The following MAN1A1 variants were observed in gnomAD, a reference collection of about 807,000 sequenced individuals.
MAN1A1 encodes the protein mannosidase alpha class 1A member 1, also known as mannosyl-oligosaccharide 1,2-alpha-mannosidase IA.
Under a neutral mutation model 70.8 loss-of-function variants are expected in MAN1A1, and 29 were observed. The ratio of observed to expected loss-of-function variants is 0.41; its 90% confidence interval spans 0.31 to 0.56. MAN1A1 has a LOEUF of 0.56. Among genes scored for constraint, MAN1A1 ranks in the 20% least tolerant of loss-of-function variants. The pLI, the probability that MAN1A1 is intolerant of heterozygous loss-of-function variation, is 0.29. For missense variants in MAN1A1, 747 were observed against 841.3 expected (o/e 0.89, Z 1.39); for synonymous variants, 349 against 330.1 (o/e 1.06, Z -0.62).
Position 119,307,008 on chromosome 6 carries a change from A to T in MAN1A1, c.604-16T>A. On this transcript the variant is annotated splice_polypyrimidine_tract_variant and intron_variant, in intron 2 of 12. Coordinates refer to ENST00000368468, the MANE Select transcript of MAN1A1 (RefSeq NM_005907.4). ...GTTTCATCATCTGAAAAAAAAAATA[A>T]AAACAGGATTATAATTTGAATGGAG... 1 of 1,495,618 alleles carries T rather than the reference A, an allele frequency of 6.7e-7. No individual in the cohort carries two copies. Among genetic ancestry groups the T allele is most frequent in the Non-Finnish European group, 9.3e-7 (1 of 1,075,204 alleles). The allele number at this position is 1,495,618 out of a possible 1,614,324, so 92.6% of individuals were successfully genotyped here. A position where few individuals can be genotyped will look rare whatever the true frequency, so the allele number is the denominator to read the frequency against.
At position 119,177,695 on chromosome 6, in the gene MAN1A1, T is replaced by A. The variant is rs1773042633; in HGVS notation, c.*2124A>T. On this transcript the variant is annotated 3_prime_UTR_variant, in exon 13 of 13. Coordinates refer to ENST00000368468, the MANE Select transcript of MAN1A1 (RefSeq NM_005907.4). ...TTTTGGGACTTTTGTTAAAAAAAAA[T>A]CCAAGTTCTAGAATTGCAAAAACTT... The A allele has an allele frequency of 6.6e-6, 1 of 151,982 alleles. No individual in the cohort carries two copies. The highest frequency in any genetic ancestry group is 2.4e-5 in the African/African-American group (1 of 41,422). The allele number at this position is 151,982 out of a possible 1,614,324, so 9.4% of individuals were successfully genotyped here. A position where few individuals can be genotyped will look rare whatever the true frequency, so the allele number is the denominator to read the frequency against.
intron 6 of MAN1A1, among the ~76,000 whole-genome samples, chr6:119,218,249 T>C (rs1198304816): frequency 6.6e-6 from 1 of 152,158 alleles, no homozygotes; most frequent in African/African-American, 2.4e-5. Context: ...TTTTTCCCCA[T>C]ATGTGTTCTG....
chr6:119,248,197 T>C (rs1016287790), intron 6 of MAN1A1, 63 bp downstream of exon 6: 4 of 1,103,176 alleles, frequency 3.6e-6, no homozygotes, highest in Non-Finnish European at 5.5e-6. Context: ...TAATGTATAC[T>C]TATTAGGCAA....
At chr6:119,283,698 T>C (rs1053983268) in intron 5 of MAN1A1, among the ~76,000 whole-genome samples, 1 of 152,058 alleles carries the variant, frequency 6.6e-6, no homozygotes, top group Non-Finnish European at 1.5e-5. Flanking sequence ...ATGGGCTTGG[T>C]GCGTTTTTTG....
Position 119,204,165 on chromosome 6 carries a change from G to T in MAN1A1, c.1116+594C>A, listed in dbSNP as rs555205623. Among the ~76,000 whole-genome samples the T allele has an allele frequency of 3.9e-5, 6 of 152,318 alleles. No homozygotes were observed. The East Asian group carries it at 1.2e-3, about 29-fold the overall frequency. On this transcript the variant is annotated intron_variant, in intron 7 of 12. Transcript: ENST00000368468. ...AAGATGAAGGGGAGAATGGTAAGTG[G>T]CTTTGGCACTGTTGTGCTCACTGGT...
chr6:119,287,999 G>A (rs1328108798), intron 5 of MAN1A1, among the ~76,000 whole-genome samples: 2 of 151,960 alleles, frequency 1.3e-5, no homozygotes, highest in African/African-American at 2.4e-5. Context: ...ACTGAGCTAC[G>A]AGGTTTCAAA....
intron 2 of MAN1A1, among the ~76,000 whole-genome samples, chr6:119,338,455 T>G (rs1426279810): frequency 1.3e-5 from 2 of 152,196 alleles, no homozygotes; most frequent in Non-Finnish European, 2.9e-5. Flanking sequence ...ATACAAAAGA[T>G]TAGCCTGCCT....
At chr6:119,190,286 T>C (rs1773408247) in intron 9 of MAN1A1, among the ~76,000 whole-genome samples, 1 of 152,216 alleles carries the variant, frequency 6.6e-6, no homozygotes, top group Non-Finnish European at 1.5e-5. Context: ...AGCATATTTG[T>C]GCATGAGATC....
chr6:119,208,873 C>G (rs1007969009), intron 6 of MAN1A1, among the ~76,000 whole-genome samples: 6 of 151,910 alleles, frequency 3.9e-5, no homozygotes, highest in Admixed American at 1.3e-4. Flanking sequence ...GGCAGCCAGC[C>G]CACTTGGGTT....
intron 6 of MAN1A1, among the ~76,000 whole-genome samples, chr6:119,242,124 C>A (rs1326766218): frequency 7.1e-6 from 1 of 141,804 alleles, no homozygotes; most frequent in Non-Finnish European, 1.6e-5. Context: ...TTATAACAGA[C>A]AGACAGACAG....
chr6:119,299,566 A>AT (rs1253064051), intron 4 of MAN1A1, among the ~76,000 whole-genome samples: 2 of 151,658 alleles, frequency 1.3e-5, no homozygotes, highest in Non-Finnish European at 2.9e-5. Flanking sequence ...CTGCATACTA[A>AT]TTGAGTAAAA....
intron 8 of MAN1A1, among the ~76,000 whole-genome samples, chr6:119,199,943 A>G (rs1480311657): frequency 6.6e-6 from 1 of 151,966 alleles, no homozygotes; most frequent in African/African-American, 2.4e-5. Flanking sequence ...AAAGAAAAAA[A>G]AAAGAAAAAA....
chr6:119,195,460 C>A (rs190532722), intron 8 of MAN1A1, among the ~76,000 whole-genome samples: 5 of 152,322 alleles, frequency 3.3e-5, no homozygotes, highest in African/African-American at 1.2e-4. Context: ...TACTTCGTAT[C>A]TGGGACCAAA....
chr6:119,231,327 G>A (rs1310177402), intron 6 of MAN1A1, among the ~76,000 whole-genome samples: 1 of 152,034 alleles, frequency 6.6e-6, no homozygotes, highest in East Asian at 1.9e-4. Flanking sequence ...GAGATCTGAT[G>A]GTTTTATAAG....
chr6:119,194,465 A>G (rs944970552), intron 8 of MAN1A1, among the ~76,000 whole-genome samples: 1 of 152,154 alleles, frequency 6.6e-6, no homozygotes, highest in African/African-American at 2.4e-5. Flanking sequence ...CTGGGACTAC[A>G]GGCACGCATC....
intron 6 of MAN1A1, among the ~76,000 whole-genome samples, chr6:119,222,966 T>C (rs1208666716): frequency 1.3e-5 from 2 of 152,162 alleles, no homozygotes; most frequent in Non-Finnish European, 2.9e-5. Context: ...CACAACTCTG[T>C]GAATATACTC....
At chr6:119,211,024 A>G in intron 6 of MAN1A1, 3 of 394,188 alleles carry the variant, frequency 7.6e-6, no homozygotes, top group South Asian at 3.8e-5. Flanking sequence ...AATAAGCTTC[A>G]AGTTGGAATA....
intron 5 of MAN1A1, among the ~76,000 whole-genome samples, chr6:119,260,280 C>T (rs1775571200): frequency 6.6e-6 from 1 of 152,204 alleles, no homozygotes; most frequent in South Asian, 2.1e-4. Flanking sequence ...TTTCCTATCA[C>T]TGGATACATT....
chr6:119,209,381 G>A (rs1254162466), intron 6 of MAN1A1, among the ~76,000 whole-genome samples: 1 of 152,194 alleles, frequency 6.6e-6, no homozygotes, highest in Non-Finnish European at 1.5e-5. Context: ...TAATTTCTGA[G>A]CTGTAAACAA....
Sources: allele counts gnomAD v4.1 joint callset (sites outside exome capture counted in the v4.1 genomes callset), GRCh38; gene constraint gnomAD v4.1.1; transcripts MANE v1.5; gene names NCBI Gene and HGNC (gene_info 2026-07-23, HGNC 2026-07-21).